Variants in MAGED1 observed in about 807,000 individuals in gnomAD.
MAGED1 encodes the protein melanoma-associated antigen D1.
A neutral mutation model predicts 54.1 loss-of-function variants in MAGED1; 3 were observed. The observed-to-expected ratio is 0.06, with a 90% confidence interval of 0.03 to 0.14. The LOEUF is 0.14. Ranked by LOEUF, MAGED1 falls within the 10% of genes least tolerant of loss-of-function variation. MAGED1 has a pLI of 1.00. For synonymous variants in MAGED1, 217 were observed against 227.3 expected (o/e 0.95, Z 0.41); for missense variants, 485 against 623.4 (o/e 0.78, Z 2.36).
chrX:51,842,363 G>A (rs895489721), intron 1 of MAGED1, among the ~76,000 whole-genome samples: 2 of 111,789 alleles, frequency 1.8e-5, no homozygotes, highest in Non-Finnish European at 3.8e-5. Flanking sequence ...TGAATGCTTT[G>A]GTTTGCTCCA....
At chrX:51,869,797 G>C (rs1282914556) in intron 1 of MAGED1, among the ~76,000 whole-genome samples, 1 of 111,296 alleles carries the variant, frequency 9.0e-6, no homozygotes, top group Non-Finnish European at 1.9e-5. Context: ...TTGAACCCAG[G>C]AGGCGGAGAT....
chrX:51,811,165 G>A lies in MAGED1; in HGVS notation c.-37+8048G>A, dbSNP rs1925205147. Reference sequence around the variant, plus strand: ...TATTATTTTGCTTTATACGTGTTAAGAATCTGAATTTTCAAGATATGACAT... The same window carrying A: ...TATTATTTTGCTTTATACGTGTTAAAAATCTGAATTTTCAAGATATGACAT... On this transcript the variant is annotated intron_variant, in intron 1 of 12. Coordinates refer to the MAGED1 transcript ENST00000375772. Among the ~76,000 whole-genome samples, 4 of 111,402 alleles carry A rather than the reference G, an allele frequency of 3.6e-5. No individual in the cohort carries two copies. In the South Asian group the frequency reaches 1.5e-3, roughly 42 times the overall value.
chrX:51,853,950 A>G (rs782010609), intron 1 of MAGED1, among the ~76,000 whole-genome samples: 1 of 112,325 alleles, frequency 8.9e-6, no homozygotes, highest in African/African-American at 3.2e-5. Context: ...AAGGTCACAT[A>G]GCAAGTAAGT....
At chrX:51,813,535 A>G (rs1404293192) in intron 1 of MAGED1, among the ~76,000 whole-genome samples, 1 of 112,181 alleles carries the variant, frequency 8.9e-6, no homozygotes, top group African/African-American at 3.2e-5. Context: ...TGCTTTTTCT[A>G]ACCTGCTTAG....
Position 51,895,118 on chromosome X carries a change from A to C in MAGED1, c.111A>C (p.Ser37=). Reference sequence around the variant, plus strand: ...CCTTGATGGAGGCCATCCAGATCTCAGAGGCTCCACCTACTAACCAGGCCA... The same window carrying C: ...CCTTGATGGAGGCCATCCAGATCTCCGAGGCTCCACCTACTAACCAGGCCA... ...MQTLMEAIQI[S]EAPPTNQATA... Residue 37 remains serine (S), a synonymous_variant, in exon 3 of 13, where the codon TCA becomes TCC. Coordinates refer to ENST00000326587, the MANE Select transcript of MAGED1 (RefSeq NM_006986.4). 1.7e-6 allele frequency: 2 copies of C among 1,212,010 alleles called. No homozygotes were observed. The highest frequency in any genetic ancestry group is 2.2e-6 in the Non-Finnish European group (2 of 895,560).
rs781937228 is a variant in MAGED1, at chrX:51,900,230, G to A, written c.1893G>A (p.Glu631=). Residue 631 remains glutamate, a synonymous_variant, in exon 11 of 13, where the codon GAG becomes GAA. Transcript: ENST00000326587. ...CCAACAGCAACCCCCCGGAGTATGAGTTCCTCTGGGGCCTCCGTTCCTACC... is the reference window on the plus strand; with the variant it reads ...CCAACAGCAACCCCCCGGAGTATGAATTCCTCTGGGGCCTCCGTTCCTACC... ...RVPNSNPPEY[E]FLWGLRSYHE... 16 of 1,206,615 alleles carry A rather than the reference G, an allele frequency of 1.3e-5. No individual in the cohort carries two copies. The highest frequency in any genetic ancestry group is 1.2e-5 in the Non-Finnish European group (11 of 893,922).
At chrX:51,836,682 T>C (rs1926264989) in intron 1 of MAGED1, among the ~76,000 whole-genome samples, 1 of 109,174 alleles carries the variant, frequency 9.2e-6, no homozygotes, top group Non-Finnish European at 1.9e-5. Flanking sequence ...GCCATTCTCC[T>C]GCCTCAGCCT....
At chrX:51,815,600 G>A (rs1337289452) in intron 1 of MAGED1, among the ~76,000 whole-genome samples, 1 of 108,012 alleles carries the variant, frequency 9.3e-6, no homozygotes, top group African/African-American at 3.4e-5. Context: ...TCGGCTCACT[G>A]TAACCTCCGC....
chrX:51,816,460 T>A (rs1393420186), intron 1 of MAGED1, among the ~76,000 whole-genome samples: 2 of 111,561 alleles, frequency 1.8e-5, no homozygotes, highest in Admixed American at 1.9e-4. Context: ...CTTTTCTATG[T>A]TTAGGTAGGT....
Position 51,874,111 on chromosome X carries a change from A to G in MAGED1, c.-36-20158A>G, listed in dbSNP as rs183752374. Among the ~76,000 whole-genome samples the G allele has an allele frequency of 2.8e-3, 311 of 111,568 alleles. 1 individual carries two copies. Among genetic ancestry groups the G allele is most frequent in the African/African-American group, 9.8e-3 (300 of 30,688 alleles). ...GTATAATTAATAGATGAAAATCACG[A>G]TGGTGCTAGATACAGATGGGATATG... On this transcript the variant is annotated intron_variant, in intron 1 of 12. Transcript: ENST00000375772.
At chrX:51,897,385 T>A in intron 5 of MAGED1, 114 bp downstream of exon 5, 1 of 824,586 alleles carries the variant, frequency 1.2e-6, no homozygotes, top group Non-Finnish European at 1.8e-6. Context: ...CTGTCGGCAT[T>A]CTTCTGCTTG....
chrX:51,862,251 C>T (rs1927308614), intron 1 of MAGED1, among the ~76,000 whole-genome samples: 1 of 111,635 alleles, frequency 9.0e-6, no homozygotes, highest in Non-Finnish European at 1.9e-5. Flanking sequence ...TTCTTGGATA[C>T]TTTGTGAGCT....
intron 1 of MAGED1, among the ~76,000 whole-genome samples, chrX:51,850,010 G>T (rs1463372634): frequency 9.1e-6 from 1 of 110,341 alleles, no homozygotes; most frequent in Non-Finnish European, 1.9e-5. Context: ...TCGGCTCACT[G>T]CAACCTCTGC....
rs781969465 is a variant in MAGED1, at chrX:51,895,112, G to C, written c.105G>C (p.Gln35His). The change falls in exon 3 of 13, where the codon CAG (glutamine) becomes CAC (histidine). Residue 35 changes from glutamine to histidine, a missense_variant. Around this residue, in one of 2 missense-constraint regions of MAGED1, gnomAD observed 299 missense variants for 293.1 expected, o/e 1.02. Transcript: ENST00000326587. ...LLMQTLMEAI[Q>H]ISEAPPTNQA... Reference sequence around the variant, plus strand: ...TGCAGACCTTGATGGAGGCCATCCAGATCTCAGAGGCTCCACCTACTAACC... The same window carrying C: ...TGCAGACCTTGATGGAGGCCATCCACATCTCAGAGGCTCCACCTACTAACC... The C allele has an allele frequency of 3.8e-5, 46 of 1,210,348 alleles. No homozygotes were observed. The highest frequency in any genetic ancestry group is 4.9e-5 in the Non-Finnish European group (44 of 895,356).
intron 1 of MAGED1, among the ~76,000 whole-genome samples, chrX:51,867,996 A>G (rs1264502366): frequency 8.9e-6 from 1 of 112,512 alleles, no homozygotes. Flanking sequence ...TAGCTCAATT[A>G]CAGAATATCA....
chrX:51,860,959 C>T (rs1040521761), intron 1 of MAGED1, among the ~76,000 whole-genome samples: 2 of 111,036 alleles, frequency 1.8e-5, no homozygotes, highest in South Asian at 7.8e-4. Flanking sequence ...AATTCCATTC[C>T]CACCCTACCT....
At chrX:51,887,511 A>C (rs782552974) in intron 1 of MAGED1, among the ~76,000 whole-genome samples, 7 of 111,836 alleles carry the variant, frequency 6.3e-5, no homozygotes, top group Non-Finnish European at 1.3e-4. Flanking sequence ...AATAGAACAG[A>C]GAACTCAGAA....
At position 51,901,849 on chromosome X, in the gene MAGED1, T is replaced by A. The variant is rs1272764821; in HGVS notation, c.2256T>A (p.Gly752=). The A allele has an allele frequency of 1.8e-5, 22 of 1,211,451 alleles. No homozygotes were observed. The highest frequency in any genetic ancestry group is 2.5e-5 in the Non-Finnish European group (22 of 895,429). The stretch of plus-strand genomic sequence containing the variant: ...CCAGATTCCCTCAGACCTTTGCCGG[T>A]CCCATTATTGGTCCTGGTGGTACAG... ...ARSRFPQTFA[G]PIIGPGGTAS... is the part of the protein sequence containing the mutation. Residue 752 remains glycine (G), a synonymous_variant, in exon 12 of 13, where the codon GGT becomes GGA. Coordinates refer to ENST00000326587, the MANE Select transcript of MAGED1 (RefSeq NM_006986.4).
rs181148758 is a variant in MAGED1 at position 51,877,383 on chromosome X, C to T, written c.-36-16886C>T. 2.7e-5 allele frequency among the ~76,000 whole-genome samples: 3 copies of T among 111,492 alleles called. No homozygotes were observed. In the East Asian group the frequency reaches 8.4e-4, roughly 31 times the overall value. ...CAAAGATATTTTCAAAGCAAATGTT[C>T]AGCACTGTTAAGGGTATGTGAGAAG... is the stretch of plus-strand genomic sequence containing the variant. On this transcript the variant is annotated intron_variant, in intron 1 of 12. Transcript: ENST00000375772.
Sources: gnomAD v4.1 joint callset for allele counts (sites outside exome capture counted in the v4.1 genomes callset) on GRCh38, gnomAD v4.1.1 for gene constraint, gnomAD v4.1.1 regional missense constraint, MANE v1.5 for transcripts, NCBI Gene and HGNC (gene_info 2026-07-23, HGNC 2026-07-21) for gene names.